VCPIP1: variants seen among roughly 807,000 people sequenced by gnomAD.
VCPIP1 encodes deubiquitinating protein VCPIP1.
VCPIP1 carries 8 observed loss-of-function variants against 85.0 expected under a neutral mutation model. The ratio of observed to expected loss-of-function variants is 0.09; its 90% confidence interval spans 0.06 to 0.17. The LOEUF (loss-of-function observed/expected upper bound fraction) is 0.17. Ranked by LOEUF, VCPIP1 falls within the 10% of genes least tolerant of loss-of-function variation. VCPIP1 has a pLI of 1.00. For synonymous variants in VCPIP1, 543 were observed against 544.5 expected, an observed-to-expected ratio of 1.00 and a Z score of 0.04; for missense variants, 1,070 against 1,486.3, an observed-to-expected ratio of 0.72 and a Z score of 4.61.
At position 66,634,872 on chromosome 8, in the gene VCPIP1, C is replaced by T. The variant is rs1810868872; in HGVS notation, c.3298G>A (p.Asp1100Asn). 1 of 1,613,956 alleles carries T rather than the reference C, an allele frequency of 6.2e-7. No individual in the cohort carries two copies. Among genetic ancestry groups the T allele is most frequent in the Admixed American group, 1.7e-5 (1 of 59,988 alleles). Residue 1100 changes from aspartate to asparagine, a missense_variant, in exon 3 of 3, where the codon GAT (aspartate) becomes AAT (asparagine). Physicochemically the swap from Asp to Asn is conservative, Grantham distance 23 (BLOSUM62 1). This residue lies in a region of VCPIP1 where 255 missense variants were observed against 289.5 expected (regional missense o/e 0.88). Transcript: ENST00000310421. ...TMRDGRQLDP[D>N]LVEAQRKKLQ... is the part of the protein sequence containing the mutation. ...TTTTTTCGCTGGGCCTCAACCAAATCAGGATCAAGCTGCCTGCCGTCTCTC... is the reference window on the plus strand; with the variant it reads ...TTTTTTCGCTGGGCCTCAACCAAATTAGGATCAAGCTGCCTGCCGTCTCTC...
In VCPIP1 at chr8:66,665,522, A is replaced by G. The variant is rs1452336531; in HGVS notation, c.1437T>C (p.His479=). The change falls in exon 1 of 3, where the codon CAT becomes CAC. Residue 479 remains histidine (H), a synonymous_variant. Transcript: ENST00000310421. The surrounding 1 kb of genome is among the most constrained non-coding windows in gnomAD (Gnocchi z 4.3). ...CAGGAGCCAACCACTCTGGAGGAAC[A>G]TGAAGTTCAGAAAGGGCACCACAGA... ...CLLCGALSEL[H]VPPEWLAPGG... 1 of 1,613,992 alleles carries G rather than the reference A, an allele frequency of 6.2e-7. No homozygotes were observed. The highest frequency in any genetic ancestry group is 1.7e-5 in the Admixed American group (1 of 59,982).
chr8:66,658,650 G>T (rs550175819), intron 1 of VCPIP1, among the ~76,000 whole-genome samples: 1 of 151,768 alleles, frequency 6.6e-6, no homozygotes, highest in African/African-American at 2.4e-5. Context: ...CATCATGCCC[G>T]GCTAATTTTT....
intron 2 of VCPIP1, among the ~76,000 whole-genome samples, chr8:66,639,925 G>A (rs762596714): frequency 1.6e-4 from 25 of 152,036 alleles, no homozygotes; most frequent in Non-Finnish European, 3.2e-4. Flanking sequence ...ACAAAGAGGG[G>A]AACAACACAC....
intron 1 of VCPIP1, among the ~76,000 whole-genome samples, chr8:66,655,377 G>A (rs569383952): frequency 9.9e-4 from 150 of 152,274 alleles, no homozygotes; most frequent in African/African-American, 3.3e-3. Context: ...CTGAAGCTAC[G>A]GTTTTAATTT....
At position 66,666,262 on chromosome 8, in the gene VCPIP1, G is replaced by A; in HGVS notation, c.697C>T (p.Leu233Phe). Residue 233 changes from leucine (L) to phenylalanine (F), a missense_variant, in exon 1 of 3, where the codon CTC becomes TTC. By Grantham distance (22) the Leu-to-Phe change is conservative (BLOSUM62 0). Transcript: ENST00000310421. This position sits in a 1 kb window ranked among gnomAD's most constrained non-coding sequence, Gnocchi z 6.3. ...AVSRALVGRE[L>F]FWHALRENLK... is the part of the protein sequence containing the mutation. Reference sequence around the variant, plus strand: ...TTCTCTCTTAAGGCATGCCAGAAGAGCTCTCGGCCTACTAGAGCCCGAGAC... The same window carrying A: ...TTCTCTCTTAAGGCATGCCAGAAGAACTCTCGGCCTACTAGAGCCCGAGAC... 6.2e-7 allele frequency: 1 copy of A among 1,614,082 alleles called. No individual in the cohort carries two copies. Among genetic ancestry groups the A allele is most frequent in the Non-Finnish European group, 8.5e-7 (1 of 1,180,034 alleles).
At chr8:66,643,109 G>C (rs1380260749) in intron 2 of VCPIP1, among the ~76,000 whole-genome samples, 1 of 151,920 alleles carries the variant, frequency 6.6e-6, no homozygotes, top group Non-Finnish European at 1.5e-5. Context: ...GATCACCTGA[G>C]GTCAGGAGTT....
intron 1 of VCPIP1, among the ~76,000 whole-genome samples, chr8:66,660,868 ACTCT>A (rs1012739157): frequency 1.9e-4 from 29 of 151,918 alleles, no homozygotes; most frequent in African/African-American, 4.4e-4. Flanking sequence ...ACATGGAGAA[ACTCT>A]CTCTCTATTA....
At chr8:66,660,901 G>C (rs1262591203) in intron 1 of VCPIP1, among the ~76,000 whole-genome samples, 1 of 152,024 alleles carries the variant, frequency 6.6e-6, no homozygotes, top group African/African-American at 2.4e-5. Context: ...AAATTAGCTG[G>C]GTGTGGTGGC....
chr8:66,654,600 T>C (rs1392494327), intron 1 of VCPIP1, among the ~76,000 whole-genome samples: 1 of 152,186 alleles, frequency 6.6e-6, no homozygotes, highest in African/African-American at 2.4e-5. Flanking sequence ...TAAACAAATA[T>C]CTCCACTGAA....
intron 1 of VCPIP1, among the ~76,000 whole-genome samples, chr8:66,655,170 T>G (rs1811087826): frequency 6.6e-6 from 1 of 152,186 alleles, no homozygotes; most frequent in African/African-American, 2.4e-5. Flanking sequence ...CCTTCTAGAC[T>G]AGGTTTCCCT....
At chr8:66,644,460 G>C (rs1351963358) in intron 2 of VCPIP1, among the ~76,000 whole-genome samples, 2 of 152,100 alleles carry the variant, frequency 1.3e-5, no homozygotes, top group Non-Finnish European at 2.9e-5. Flanking sequence ...TGTAGGAAAA[G>C]AGCATCTCAC....
chr8:66,666,682 C>A lies in VCPIP1; in HGVS notation c.277G>T (p.Val93Leu), dbSNP rs1458006079. 1 of 1,614,228 alleles carries A rather than the reference C, an allele frequency of 6.2e-7. No homozygotes were observed. Among genetic ancestry groups the A allele is most frequent in the East Asian group, 2.2e-5 (1 of 44,888 alleles). Reference protein sequence around the residue: ...LGVEEVTDPDVVLHNLLRNAL... With the variant: ...LGVEEVTDPDLVLHNLLRNAL... ...TTCCGCAGCAGGTTGTGTAGCACTA[C>A]GTCCGGGTCGGTCACCTCCTCAACC... Residue 93 changes from valine to leucine, a missense_variant, in exon 1 of 3, where the codon GTA becomes TTA. Coordinates refer to ENST00000310421, the MANE Select transcript of VCPIP1 (RefSeq NM_025054.5). The surrounding 1 kb of genome is among the most constrained non-coding windows in gnomAD (Gnocchi z 6.3).
chr8:66,640,714 G>A (rs918177738), intron 2 of VCPIP1, among the ~76,000 whole-genome samples: 6 of 23,662 alleles, frequency 2.5e-4, no homozygotes, highest in African/African-American at 2.3e-3. Context: ...TGGCTTGACG[G>A]GGGGTACTTC....
chr8:66,649,625 A>G (rs1199745688), intron 2 of VCPIP1, among the ~76,000 whole-genome samples: 1 of 152,372 alleles, frequency 6.6e-6, no homozygotes, highest in African/African-American at 2.4e-5. Context: ...TTCCATTCAC[A>G]TGGTAATATG....
At position 66,628,620 on chromosome 8, in the gene VCPIP1, T is replaced by C. The variant is rs948364982; in HGVS notation, c.*5881A>G. On this transcript the variant is annotated 3_prime_UTR_variant, in exon 3 of 3. Coordinates refer to ENST00000310421, the MANE Select transcript of VCPIP1 (RefSeq NM_025054.5). ...TGAGCTGTTATAAGTAGGATGTTTA[T>C]CTTATTTACTAAAGAGTTTTTGAGA... The C allele has an allele frequency of 3.3e-5, 5 of 152,248 alleles. No individual in the cohort carries two copies. Among genetic ancestry groups the C allele is most frequent in the African/African-American group, 7.2e-5 (3 of 41,468 alleles). The allele number at this position is 152,248 out of a possible 1,614,324, so 9.4% of individuals were successfully genotyped here.
At chr8:66,662,095 T>C (rs1363866369) in intron 1 of VCPIP1, among the ~76,000 whole-genome samples, 2 of 152,086 alleles carry the variant, frequency 1.3e-5, no homozygotes, top group African/African-American at 4.8e-5. Flanking sequence ...CTACTGATCA[T>C]AATCCTGCCC....
rs758041511 is a variant in VCPIP1, at chr8:66,666,563, G to A, written c.396C>T (p.Pro132=). 5.6e-6 allele frequency: 9 copies of A among 1,614,000 alleles called. No individual in the cohort carries two copies. The highest frequency in any genetic ancestry group is 3.3e-4 in the Middle Eastern group (2 of 6,084). The part of the protein sequence containing the change: ...LSNYHCKLLS[P]ILARYGMDKQ... ...TGTCCATTCCATAGCGAGCTAATAT[G>A]GGCGACAACAATTTGCAGTGATAGT... Residue 132 remains proline (P), a synonymous_variant, in exon 1 of 3, where the codon CCC becomes CCT. Transcript: ENST00000310421. The surrounding 1 kb of genome is among the most constrained non-coding windows in gnomAD (Gnocchi z 6.3).
At chr8:66,649,699 G>C (rs1377766795) in intron 2 of VCPIP1, among the ~76,000 whole-genome samples, 1 of 152,164 alleles carries the variant, frequency 6.6e-6, no homozygotes, top group Non-Finnish European at 1.5e-5. Context: ...ATTGAGGAGA[G>C]TTGAATACAA....
intron 1 of VCPIP1, among the ~76,000 whole-genome samples, chr8:66,662,399 C>T (rs1811166430): frequency 6.6e-6 from 1 of 152,186 alleles, no homozygotes; most frequent in Non-Finnish European, 1.5e-5. Context: ...ATGAACATTG[C>T]CGAATTCTGC....
Sources: gnomAD v4.1 joint callset for allele counts (sites outside exome capture counted in the v4.1 genomes callset) on GRCh38, gnomAD v4.1.1 for gene constraint, gnomAD v4.1.1 regional missense constraint, Gnocchi (gnomAD v3.1) non-coding constraint, MANE v1.5 for transcripts, NCBI Gene and HGNC (gene_info 2026-07-23, HGNC 2026-07-21) for gene names.